Variants in C3orf52 observed in about 807,000 individuals in gnomAD.
C3orf52 encodes TPA-induced transmembrane protein.
C3orf52 carries 22 observed loss-of-function variants against 24.8 expected under a neutral mutation model. That is an observed-to-expected ratio of 0.89 (90% CI 0.63 to 1.27). The LOEUF (loss-of-function observed/expected upper bound fraction) is 1.27. Among genes scored for constraint, C3orf52 ranks in the 50% most tolerant of loss-of-function variants. C3orf52 has a pLI of 0.00. For missense variants in C3orf52, 265 were observed against 260.7 expected, an observed-to-expected ratio of 1.02 and a Z score of -0.11; for synonymous variants, 93 against 100.2, an observed-to-expected ratio of 0.93 and a Z score of 0.43.
downstream of C3orf52, chr3:112,133,390 A>C (rs1385154623): frequency 1.9e-5 from 8 of 422,032 alleles, no homozygotes; most frequent in East Asian, 3.5e-4. Flanking sequence ...CGTCAATGAG[A>C]GCTTCGAACC....
chr3:112,127,082 A>C (rs1306163969), intron 4 of C3orf52: 1 of 1,228,826 alleles, frequency 8.1e-7, no homozygotes, highest in East Asian at 2.3e-5. Flanking sequence ...GAAACTCTCA[A>C]AGGAAATGAC....
chr3:112,132,866 A>C (rs927829511), downstream of C3orf52: 3 of 500,234 alleles, frequency 6.0e-6, no homozygotes, highest in African/African-American at 4.0e-5. Context: ...CCTTTCAGCT[A>C]TTCTCCATCA....
intron 2 of C3orf52, among the ~76,000 whole-genome samples, chr3:112,099,993 G>A (rs1316698022): frequency 1.3e-5 from 2 of 152,212 alleles, no homozygotes; most frequent in Non-Finnish European, 2.9e-5. Context: ...ATAGCCAACA[G>A]GAGTTCAGAC....
At chr3:112,123,369 C>G in intron 4 of C3orf52, 2 of 1,551,014 alleles carry the variant, frequency 1.3e-6, no homozygotes, top group Non-Finnish European at 8.7e-7. Context: ...GCTGGAGGGA[C>G]TTTGTGTCCC....
chr3:112,127,839 T>C (rs1043565740), intron 4 of C3orf52, among the ~76,000 whole-genome samples: 3 of 152,192 alleles, frequency 2.0e-5, no homozygotes, highest in Admixed American at 6.5e-5. Flanking sequence ...CATGAGACTA[T>C]TGTTCCTGTT....
chr3:112,118,730 CACA>C (rs1269482323), downstream of C3orf52, among the ~76,000 whole-genome samples: 4 of 152,104 alleles, frequency 2.6e-5, no homozygotes. Context: ...CTGGTCATCA[CACA>C]ACATCATGAT....
At chr3:112,130,122 G>A, downstream of C3orf52, 1 of 291,148 alleles carries the variant, frequency 3.4e-6, no homozygotes, top group Non-Finnish European at 6.6e-6. Flanking sequence ...TAGGGTGGAG[G>A]TTGAGCACAA....
At chr3:112,087,794 A>G (rs1423767267) in intron 1 of C3orf52, among the ~76,000 whole-genome samples, 1 of 152,194 alleles carries the variant, frequency 6.6e-6, no homozygotes, top group African/African-American at 2.4e-5. Context: ...TGGGAGTTGG[A>G]AATACTTGCC....
At chr3:112,133,540 T>A (rs2074509475), downstream of C3orf52, 1 of 169,514 alleles carries the variant, frequency 5.9e-6, no homozygotes, top group African/African-American at 2.4e-5. Flanking sequence ...CTGTAGAAAA[T>A]ATAGTATCAA....
intron 1 of C3orf52, among the ~76,000 whole-genome samples, chr3:112,089,368 A>G (rs1357779745): frequency 2.0e-5 from 3 of 152,076 alleles, no homozygotes; most frequent in Non-Finnish European, 4.4e-5. Context: ...TCTACTAAAA[A>G]AAATACAAAA....
chr3:112,131,342 C>T (rs1168101391), downstream of C3orf52, among the ~76,000 whole-genome samples: 1 of 152,090 alleles, frequency 6.6e-6, no homozygotes, highest in Non-Finnish European at 1.5e-5. Context: ...TGCAAAATTT[C>T]CCTGACTTCT....
At chr3:112,130,823 G>C, downstream of C3orf52, 1 of 389,070 alleles carries the variant, frequency 2.6e-6, no homozygotes, top group Non-Finnish European at 4.9e-6. Flanking sequence ...TCCGTGTCCA[G>C]AGAGAGGCCT....
At chr3:112,087,084 C>T (rs79466559) in intron 1 of C3orf52, among the ~76,000 whole-genome samples, 52 of 144,754 alleles carry the variant, frequency 3.6e-4, no homozygotes, top group Middle Eastern at 3.5e-3. Flanking sequence ...TGGATTCTGC[C>T]GGAAGAGAGA....
intron 5 of C3orf52, among the ~76,000 whole-genome samples, chr3:112,114,388 C>T (rs2074114642): frequency 6.7e-6 from 1 of 149,634 alleles, no homozygotes; most frequent in South Asian, 2.1e-4. Context: ...AGAGATTGTG[C>T]CCCAGTTACA....
chr3:112,113,174 T>A (rs1393280362), intron 5 of C3orf52, 29 bp downstream of exon 5: 1 of 1,551,594 alleles, frequency 6.4e-7, no homozygotes, highest in South Asian at 1.2e-5. Context: ...GAAGTCAGAG[T>A]TGTGACAATA....
At chr3:112,108,604 G>T (rs915363589) in intron 3 of C3orf52, among the ~76,000 whole-genome samples, 1 of 152,200 alleles carries the variant, frequency 6.6e-6, no homozygotes, top group Non-Finnish European at 1.5e-5. Context: ...GAATGGATAG[G>T]CTGGTATACT....
chr3:112,133,271 G>A (rs59974502), downstream of C3orf52: 1 of 785,938 alleles, frequency 1.3e-6, no homozygotes. Context: ...TGTCTCTGCA[G>A]AGGGAAGGAA....
At chr3:112,107,726 AG>A (rs1341238484) in intron 3 of C3orf52, among the ~76,000 whole-genome samples, 1 of 152,216 alleles carries the variant, frequency 6.6e-6, no homozygotes, top group Non-Finnish European at 1.5e-5. Flanking sequence ...TCCAGTAAAA[AG>A]GGGAGATATA....
At chr3:112,132,961 G>T, downstream of C3orf52, 1 of 882,000 alleles carries the variant, frequency 1.1e-6, no homozygotes, top group Non-Finnish European at 1.8e-6. Flanking sequence ...CTGAAGGCTT[G>T]GCAGTTTCCT....
Sources: gnomAD v4.1 joint callset for allele counts (sites outside exome capture counted in the v4.1 genomes callset) on GRCh38, gnomAD v4.1.1 for gene constraint, MANE v1.5 for transcripts, NCBI Gene and HGNC (gene_info 2026-07-23, HGNC 2026-07-21) for gene names.